MYT1L: variants seen among roughly 807,000 people sequenced by gnomAD.
MYT1L encodes the protein myelin transcription factor 1 like, also known as myelin transcription factor 1-like protein.
MYT1L carries 12 observed loss-of-function variants against 126.7 expected under a neutral mutation model. The ratio of observed to expected loss-of-function variants is 0.09; its 90% CI spans 0.06 to 0.15. MYT1L has a LOEUF of 0.15. MYT1L is among the 10% of genes least tolerant of loss of function. The probability of loss-of-function intolerance (pLI) is 1.00; values close to 1 mark genes in which losing one functional copy is unlikely to be tolerated. For synonymous variants in MYT1L, 541 were observed against 604.2 expected, an observed-to-expected ratio of 0.90 and a Z score of 1.53; for missense variants, 979 against 1,585.2, an observed-to-expected ratio of 0.62 and a Z score of 6.49.
chr2:2,048,000 G>C (rs186955281), intron 4 of MYT1L, among the ~76,000 whole-genome samples: 2 of 151,988 alleles, frequency 1.3e-5, no homozygotes, highest in African/African-American at 4.8e-5. Flanking sequence ...CAAGACATGG[G>C]GCTGTCCATA....
intron 8 of MYT1L, among the ~76,000 whole-genome samples, chr2:1,958,114 G>C (rs2058661063): frequency 7.1e-6 from 1 of 141,310 alleles, no homozygotes; most frequent in South Asian, 2.2e-4. Flanking sequence ...TAAGGTCTGA[G>C]TTGCAGAACA....
intron 4 of MYT1L, among the ~76,000 whole-genome samples, chr2:2,041,404 G>GAAA (rs1304710391): frequency 2.0e-5 from 3 of 152,296 alleles, no homozygotes; most frequent in African/African-American, 4.8e-5. Flanking sequence ...ACCCTGCTGG[G>GAAA]TCTTGGTCTA....
intron 2 of MYT1L, among the ~76,000 whole-genome samples, chr2:2,235,351 AGCTTCCCCTT>A (rs2094265638): frequency 1.6e-5 from 1 of 62,900 alleles, no homozygotes; most frequent in East Asian, 8.5e-4. Flanking sequence ...TGTTCCTCAG[AGCTTCCCCTT>A]AGAGGGGTGT....
At chr2:2,070,254 T>C (rs2074431680) in intron 3 of MYT1L, among the ~76,000 whole-genome samples, 1 of 152,188 alleles carries the variant, frequency 6.6e-6, no homozygotes, top group Non-Finnish European at 1.5e-5. Context: ...AAAGTTCATA[T>C]TTCCTGTTAA....
intron 4 of MYT1L, among the ~76,000 whole-genome samples, chr2:2,039,187 C>A (rs1209812550): frequency 6.6e-6 from 1 of 152,198 alleles, no homozygotes; most frequent in African/African-American, 2.4e-5. Flanking sequence ...TCACAACACT[C>A]TCTCACATGT....
At chr2:2,324,855 A>G (rs1259172903) in intron 1 of MYT1L, 1 of 152,490 alleles carries the variant, frequency 6.6e-6, no homozygotes, top group Non-Finnish European at 1.5e-5. Flanking sequence ...CTGCTGATCT[A>G]GATATTTTTC....
chr2:2,012,474 G>C (rs1239368156), intron 4 of MYT1L, among the ~76,000 whole-genome samples: 1 of 152,146 alleles, frequency 6.6e-6, no homozygotes, highest in African/African-American at 2.4e-5. Flanking sequence ...GGGAATGTGG[G>C]AGTGATGGGG....
chr2:2,316,236 G>A (rs1469016908), intron 1 of MYT1L, among the ~76,000 whole-genome samples: 2 of 151,964 alleles, frequency 1.3e-5, no homozygotes, highest in Non-Finnish European at 2.9e-5. Context: ...GATATTTTGG[G>A]GACAATATTC....
chr2:1,877,038 T>C (rs2046997982), intron 18 of MYT1L, among the ~76,000 whole-genome samples: 1 of 152,148 alleles, frequency 6.6e-6, no homozygotes, highest in Non-Finnish European at 1.5e-5. Context: ...CGTGGTTCTG[T>C]AGGATAAATT....
At chr2:1,825,922 G>A (rs1314001497) in intron 21 of MYT1L, 2 of 152,244 alleles carry the variant, frequency 1.3e-5, no homozygotes, top group Non-Finnish European at 2.9e-5. Context: ...CCCCCATGAT[G>A]GGGTGACATC....
intron 3 of MYT1L, among the ~76,000 whole-genome samples, chr2:2,113,142 G>C (rs2079700811): frequency 6.6e-6 from 1 of 152,150 alleles, no homozygotes; most frequent in South Asian, 2.1e-4. Context: ...TCCTGAGTTG[G>C]GAACTAATGA....
chr2:1,791,373 CT>C lies in MYT1L; in HGVS notation c.*493del. The C allele has an allele frequency of 2.4e-6, 1 of 421,558 alleles. No homozygotes were observed. The allele number at this position is 421,558 out of a possible 1,614,324, so 26.1% of individuals were successfully genotyped here. A position where few individuals can be genotyped will look rare whatever the true frequency, so the allele number is the denominator to read the frequency against. ...AACAATATGCACACAAAATGTATTT[CT>C]TAAATTCCATAAAGTCCTCCAACAT... On this transcript the variant is annotated 3_prime_UTR_variant, in exon 25 of 25. Coordinates refer to ENST00000647738, the MANE Select transcript of MYT1L (RefSeq NM_001303052.2). This position sits in a 1 kb window ranked among gnomAD's most constrained non-coding sequence, Gnocchi z 6.0.
intron 21 of MYT1L, chr2:1,828,660 A>T (rs1398365197): frequency 6.6e-6 from 1 of 152,240 alleles, no homozygotes; most frequent in African/African-American, 2.4e-5. Flanking sequence ...TGACTGATTT[A>T]AAAAATAGCT....
Position 1,922,273 on chromosome 2 carries a change from G to A in MYT1L, c.1483+13C>T. 1 of 1,608,582 alleles carries A rather than the reference G, an allele frequency of 6.2e-7. No individual in the cohort carries two copies. Among genetic ancestry groups the A allele is most frequent in the Non-Finnish European group, 8.5e-7 (1 of 1,175,906 alleles). On this transcript the variant is annotated intron_variant, in intron 10 of 24. Transcript: ENST00000647738. This position sits in a 1 kb window ranked among gnomAD's most constrained non-coding sequence, Gnocchi z 7.4. ...GTTTTCATGAGGCAACTTACGTTAG[G>A]TAGAAATATTACCTTTACCATAGTA...
chr2:1,948,679 A>G (rs1049894593), intron 8 of MYT1L, among the ~76,000 whole-genome samples: 1 of 113,564 alleles, frequency 8.8e-6, no homozygotes, highest in Admixed American at 8.2e-5. Context: ...GCCCAGCAAC[A>G]CCAGTGAAGG....
rs967465420 is a variant in MYT1L, at chr2:2,093,482, T to C, written c.-303-39359A>G. Among the ~76,000 whole-genome samples the C allele has an allele frequency of 2.3e-4, 35 of 152,300 alleles. 1 individual carries two copies. Among genetic ancestry groups the C allele is most frequent in the Non-Finnish European group, 1.5e-4 (10 of 68,022 alleles). ...TTCATGTGTCTTTTGGCTGCATAAA[T>C]GTCTTCTTTTGAGAAGTGTCTGTTC... On this transcript the variant is annotated intron_variant, in intron 3 of 24. Transcript: ENST00000647738.
Position 1,979,653 on chromosome 2 carries a change from A to C in MYT1L, c.55+70T>G. 1 of 1,605,190 alleles carries C rather than the reference A, an allele frequency of 6.2e-7. No individual in the cohort carries two copies. Reference sequence around the variant, plus strand: ...AGGGTGGCATGAAAGTGGGGTCAGAATCGACCTCAGTTCCGCAGGATGAAG... The same window carrying C: ...AGGGTGGCATGAAAGTGGGGTCAGACTCGACCTCAGTTCCGCAGGATGAAG... On this transcript the variant is annotated intron_variant, in intron 6 of 24. Coordinates refer to ENST00000647738, the MANE Select transcript of MYT1L (RefSeq NM_001303052.2). The surrounding 1 kb of genome is among the most constrained non-coding windows in gnomAD (Gnocchi z 4.0).
chr2:1,970,943 C>T lies in MYT1L; in HGVS notation c.152+8222G>A, dbSNP rs531513149. Among the ~76,000 whole-genome samples, 11 of 152,278 alleles carry T rather than the reference C, an allele frequency of 7.2e-5. No homozygotes were observed. In the South Asian group the frequency reaches 1.9e-3, roughly 26 times the overall value. ...CAGGTCATATACATTACAGACTGTT[C>T]ATCAGTATACTTATTGTTTTCAGTG... On this transcript the variant is annotated intron_variant, in intron 8 of 24. Coordinates refer to ENST00000647738, the MANE Select transcript of MYT1L (RefSeq NM_001303052.2).
chr2:2,211,344 T>TA (rs2093498131), intron 2 of MYT1L, among the ~76,000 whole-genome samples: 1 of 152,236 alleles, frequency 6.6e-6, no homozygotes, highest in East Asian at 1.9e-4. Context: ...CTTTTTAAAG[T>TA]AATTCTTTCT....
Sources: allele counts gnomAD v4.1 joint callset (sites outside exome capture counted in the v4.1 genomes callset), GRCh38; gene constraint gnomAD v4.1.1; non-coding constraint Gnocchi (gnomAD v3.1); transcripts MANE v1.5; gene names NCBI Gene and HGNC (gene_info 2026-07-23, HGNC 2026-07-21).